ZNF566: variants seen among roughly 807,000 people sequenced by gnomAD.
ZNF566 encodes zinc finger protein 566.
Under a neutral mutation model 32.8 loss-of-function variants are expected in ZNF566, and 27 were observed. The ratio of observed to expected loss-of-function variants is 0.82; its 90% CI spans 0.61 to 1.14. The LOEUF (loss-of-function observed/expected upper bound fraction) is 1.14, where lower values mean the gene tolerates loss of function less well. ZNF566 is among the 50% of genes most tolerant of loss of function. The pLI, the probability that ZNF566 is intolerant of heterozygous loss-of-function variation, is 0.00. For missense variants in ZNF566, 402 were observed against 490.4 expected (o/e 0.82, Z 1.70); for synonymous variants, 154 against 159.5 (o/e 0.97, Z 0.26).
Position 36,449,145 on chromosome 19 carries a change from C to T in ZNF566, c.1089G>A (p.Gly363=). ...ATATCTTACATTCATAGGGTTTCTC[C>T]CCAGTATGAATTCTCTGATGTCTAG... ...DLTRHQRIHT[G]EKPYECKICG... The change falls in exon 5 of 5, where the codon GGG becomes GGA. Residue 363 remains glycine (G), a synonymous_variant. Transcript: ENST00000452939. 1.2e-6 allele frequency: 2 copies of T among 1,613,744 alleles called. No individual in the cohort carries two copies. Among genetic ancestry groups the T allele is most frequent in the Non-Finnish European group, 1.7e-6 (2 of 1,179,924 alleles).
chr19:36,463,319 T>C (rs2033525700), intron 4 of ZNF566, among the ~76,000 whole-genome samples: 2 of 152,034 alleles, frequency 1.3e-5, no homozygotes, highest in South Asian at 4.1e-4. Flanking sequence ...ACAACTCAAC[T>C]GCATTTGTAG....
chr19:36,453,512 TTAATTA>T, intron 4 of ZNF566, among the ~76,000 whole-genome samples: 1 of 54,158 alleles, frequency 1.8e-5, no homozygotes, highest in African/African-American at 6.4e-5. Flanking sequence ...AATAAATTAA[TTAATTA>T]AAATAAAATA....
At chr19:36,475,423 C>T (rs538046538) in intron 2 of ZNF566, among the ~76,000 whole-genome samples, 64 of 152,196 alleles carry the variant, frequency 4.2e-4, no homozygotes, top group African/African-American at 1.5e-3. Context: ...ATAAAAGGCT[C>T]GTTAACCAGG....
Position 36,446,186 on chromosome 19 carries a change from AC to A in ZNF566, c.*2790del, listed in dbSNP as rs1214226842. 2 of 152,186 alleles carry A rather than the reference AC, an allele frequency of 1.3e-5. No homozygotes were observed. The highest frequency in any genetic ancestry group is 2.9e-5 in the Non-Finnish European group (2 of 68,034). The allele number at this position is 152,186 out of a possible 1,614,324, so 9.4% of individuals were successfully genotyped here. ...AAGAAATATATGGGTAATATACACA[AC>A]CTTTAAATATTATTCAGAAGAAAAT... On this transcript the variant is annotated 3_prime_UTR_variant, in exon 5 of 5. Coordinates refer to ENST00000452939, the MANE Select transcript of ZNF566 (RefSeq NM_001145344.1).
chr19:36,487,410 G>C (rs992671902), intron 1 of ZNF566, among the ~76,000 whole-genome samples: 13 of 152,116 alleles, frequency 8.5e-5, no homozygotes, highest in African/African-American at 2.9e-4. Flanking sequence ...AGCATCATTT[G>C]TAACAGCCCC....
At position 36,449,317 on chromosome 19, in the gene ZNF566, G is replaced by A; in HGVS notation, c.917C>T (p.Thr306Ile). 1 of 1,614,140 alleles carries A rather than the reference G, an allele frequency of 6.2e-7. No homozygotes were observed. The highest frequency in any genetic ancestry group is 1.1e-5 in the South Asian group (1 of 91,082). ...SNFTQHQRIH[T>I]GEKPYECKEC... ...CTTACATTCATAGGGTTTTTCCCCA[G>A]TATGAATTCTCTGATGTTGAGTAAA... The change falls in exon 5 of 5, where the codon ACT (threonine) becomes ATT (isoleucine). Residue 306 changes from threonine to isoleucine, a missense_variant. This residue lies in a region of ZNF566 where 135 missense variants were observed against 210.0 expected (regional missense o/e 0.64). Coordinates refer to ENST00000452939, the MANE Select transcript of ZNF566 (RefSeq NM_001145344.1).
At chr19:36,484,803 A>C (rs995236882) in intron 1 of ZNF566, among the ~76,000 whole-genome samples, 4 of 151,868 alleles carry the variant, frequency 2.6e-5, no homozygotes, top group Admixed American at 2.6e-4. Flanking sequence ...GTTAGCCAGG[A>C]TGGTCTTGAT....
intron 4 of ZNF566, among the ~76,000 whole-genome samples, chr19:36,450,737 T>C (rs1047935042): frequency 1.3e-5 from 2 of 152,214 alleles, no homozygotes; most frequent in Admixed American, 6.5e-5. Flanking sequence ...AATGGAAAAT[T>C]CCCAGAGATC....
At chr19:36,474,402 G>A (rs558274148) in intron 2 of ZNF566, among the ~76,000 whole-genome samples, 1 of 152,142 alleles carries the variant, frequency 6.6e-6, no homozygotes, top group East Asian at 1.9e-4. Context: ...GAAAATGAAG[G>A]GTTGTATAGA....
Position 36,473,288 on chromosome 19 carries a change from C to T in ZNF566, c.136+44G>A, listed in dbSNP as rs1186338072. ...GCATTTCACATTGGAGGAAGTAGGC[C>T]TTCCAAGGGCAGAATCTAAATTACT... On this transcript the variant is annotated intron_variant, in intron 3 of 4. Transcript: ENST00000452939. The T allele has an allele frequency of 7.4e-6, 12 of 1,611,094 alleles. No homozygotes were observed. The Admixed American group carries it at 1.8e-4, about 25-fold the overall frequency.
intron 4 of ZNF566, among the ~76,000 whole-genome samples, chr19:36,459,016 G>T (rs944856108): frequency 6.6e-6 from 1 of 151,990 alleles, no homozygotes; most frequent in African/African-American, 2.4e-5. Context: ...ACCACGCCTG[G>T]CCAATATATA....
At chr19:36,453,986 G>A (rs889800790) in intron 4 of ZNF566, among the ~76,000 whole-genome samples, 19 of 152,068 alleles carry the variant, frequency 1.2e-4, no homozygotes, top group Non-Finnish European at 2.1e-4. Context: ...ACCACACCTG[G>A]CTAATTTTTT....
chr19:36,455,881 T>C (rs1172071268), intron 4 of ZNF566, among the ~76,000 whole-genome samples: 1 of 151,612 alleles, frequency 6.6e-6, no homozygotes, highest in Admixed American at 6.6e-5. Context: ...CTACTAAAAA[T>C]ACAAAAAATT....
chr19:36,449,708 A>G lies in ZNF566; in HGVS notation c.526T>C (p.Tyr176His), dbSNP rs2033096397. 2 of 1,614,012 alleles carry G rather than the reference A, an allele frequency of 1.2e-6. No homozygotes were observed. Among genetic ancestry groups the G allele is most frequent in the African/African-American group, 2.7e-5 (2 of 74,918 alleles). ...GAGCCATGTCTAAAGGTTTTCCTAT[A>G]TTCTTTAGATGCACAGAATTTCTTT... Reference protein sequence around the residue: ...SKKKFCASKEYRKTFRHGSQF... With the variant: ...SKKKFCASKEHRKTFRHGSQF... Residue 176 changes from tyrosine (Y) to histidine (H), a missense_variant, in exon 5 of 5, where the codon TAT (tyrosine) becomes CAT (histidine). Coordinates refer to ENST00000452939, the MANE Select transcript of ZNF566 (RefSeq NM_001145344.1).
At chr19:36,488,508 T>A (rs1372947621) in intron 1 of ZNF566, among the ~76,000 whole-genome samples, 1 of 152,184 alleles carries the variant, frequency 6.6e-6, no homozygotes, top group East Asian at 1.9e-4. Flanking sequence ...GGTATATATT[T>A]TGACACTGTT....
At chr19:36,461,410 C>T (rs2033458096) in intron 4 of ZNF566, among the ~76,000 whole-genome samples, 1 of 152,202 alleles carries the variant, frequency 6.6e-6, no homozygotes, top group Admixed American at 6.5e-5. Flanking sequence ...GTGGCTTACG[C>T]CTGTGATCCC....
chr19:36,472,986 T>C lies in ZNF566; in HGVS notation c.157A>G (p.Asn53Asp). 1 of 1,613,712 alleles carries C rather than the reference T, an allele frequency of 6.2e-7. No homozygotes were observed. Among genetic ancestry groups the C allele is most frequent in the Non-Finnish European group, 8.5e-7 (1 of 1,179,894 alleles). Reference protein sequence around the residue: ...VSMGHSISKPNVISYLEQGKE... With the variant: ...VSMGHSISKPDVISYLEQGKE... ...CCTTGCTCCAAGTAGGAGATCACAT[T>C]TGGTTTAGAAATAGAATGCCCTGCT... The change falls in exon 4 of 5, where the codon AAT (asparagine) becomes GAT (aspartate). Residue 53 changes from asparagine to aspartate, a missense_variant. Asn to Asp is a conservative substitution (Grantham distance 23). Coordinates refer to ENST00000452939, the MANE Select transcript of ZNF566 (RefSeq NM_001145344.1).
chr19:36,482,087 A>G (rs2034047473), intron 1 of ZNF566, among the ~76,000 whole-genome samples: 1 of 152,156 alleles, frequency 6.6e-6, no homozygotes. Flanking sequence ...AGTCTGTGGG[A>G]ACTAAGTTAA....
intron 1 of ZNF566, among the ~76,000 whole-genome samples, chr19:36,480,288 C>CTTTTTTTTTTT (rs773998048): frequency 1.5e-5 from 2 of 136,846 alleles, no homozygotes; most frequent in Non-Finnish European, 3.1e-5. Context: ...ATTTTTTTTT[C>CTTTTTTTTTTT]TTTTTTTTTT....
Sources: gnomAD v4.1 joint callset for allele counts (sites outside exome capture counted in the v4.1 genomes callset) on GRCh38, gnomAD v4.1.1 for gene constraint, gnomAD v4.1.1 regional missense constraint, MANE v1.5 for transcripts, NCBI Gene and HGNC (gene_info 2026-07-23, HGNC 2026-07-21) for gene names.